The following NMUR2 variants were observed in gnomAD, a reference collection of about 807,000 sequenced individuals.
The protein encoded by NMUR2 is neuromedin-U receptor 2.
Under a neutral mutation model 25.1 loss-of-function variants are expected in NMUR2, and 24 were observed. That is an observed-to-expected ratio of 0.96 (90% CI 0.69 to 1.34). The LOEUF (loss-of-function observed/expected upper bound fraction) is 1.34. NMUR2 is among the 40% of genes most tolerant of loss of function. The pLI is 0.00. For synonymous variants in NMUR2, 218 were observed against 208.1 expected (o/e 1.05, Z -0.41); for missense variants, 533 against 512.8 (o/e 1.04, Z -0.38).
At chr5:152,398,383 T>C (rs1218451630) in intron 1 of NMUR2, among the ~76,000 whole-genome samples, 2 of 152,122 alleles carry the variant, frequency 1.3e-5, no homozygotes, top group Non-Finnish European at 2.9e-5. Context: ...TCGTATACAG[T>C]TATGTGGAAA....
intron 2 of NMUR2, among the ~76,000 whole-genome samples, chr5:152,396,695 T>G (rs1753156529): frequency 1.3e-5 from 2 of 151,376 alleles, no homozygotes; most frequent in South Asian, 4.2e-4. Context: ...AGGTCAGGAG[T>G]TCAAGAACAG....
At chr5:152,400,475 G>A (rs1054824440) in intron 1 of NMUR2, among the ~76,000 whole-genome samples, 8 of 152,134 alleles carry the variant, frequency 5.3e-5, no homozygotes, top group African/African-American at 1.9e-4. Context: ...AGAGTTGTTT[G>A]TTTATATATG....
chr5:152,397,612 G>A, intron 2 of NMUR2, among the ~76,000 whole-genome samples: 1 of 144,430 alleles, frequency 6.9e-6, no homozygotes, highest in East Asian at 2.0e-4. Context: ...TTTTTTTTTG[G>A]AATGGAGAGT....
rs773809109 is a variant in NMUR2, at chr5:152,395,513, C to A, written c.883G>T (p.Glu295Ter). The change falls in exon 3 of 4, where the codon GAG becomes TAG. Residue 295 changes from glutamate to a stop codon, truncating the protein, a stop_gained. Coordinates refer to ENST00000255262, the MANE Select transcript of NMUR2 (RefSeq NM_020167.5). LOFTEE classifies it high-confidence loss of function. ...GCAGCCAGGGATTCACTCCACTCCT[C>A]CACAAAGCTGAAGAAGAGTCGGTCA... is the stretch of plus-strand genomic sequence containing the variant. ...HIDRLFFSFV[E>*]EWSESLAAVF... The A allele has an allele frequency of 2.5e-6, 4 of 1,613,492 alleles. No individual in the cohort carries two copies. The highest frequency in any genetic ancestry group is 2.5e-6 in the Non-Finnish European group (3 of 1,179,782).
chr5:152,399,920 A>T (rs1159651263), intron 1 of NMUR2, among the ~76,000 whole-genome samples: 3 of 152,186 alleles, frequency 2.0e-5, no homozygotes, highest in Non-Finnish European at 1.5e-5. Flanking sequence ...CAAGATAAGG[A>T]AGAAATTGTT....
rs139160964 is a variant in NMUR2, at chr5:152,395,557, C to T, written c.839G>A (p.Cys280Tyr). 2.5e-6 allele frequency: 4 copies of T among 1,613,472 alleles called. No homozygotes were observed. The highest frequency in any genetic ancestry group is 1.1e-5 in the South Asian group (1 of 91,050). ...TCGGTCAATGTGGAACGGGGCCCAA[C>T]AGATAGCAAACACTAAGACCAAGAC... ...LFVLVLVFAI[C>Y]WAPFHIDRLF... is the part of the protein sequence containing the mutation. Residue 280 changes from cysteine to tyrosine, a missense_variant, in exon 3 of 4, where the codon TGT (cysteine) becomes TAT (tyrosine). Transcript: ENST00000255262.
chr5:152,391,651 C>G lies in NMUR2; in HGVS notation c.*540G>C, dbSNP rs1470666278. On this transcript the variant is annotated 3_prime_UTR_variant, in exon 4 of 4. Coordinates refer to ENST00000255262, the MANE Select transcript of NMUR2 (RefSeq NM_020167.5). The stretch of plus-strand genomic sequence containing the variant: ...AGATGCCAGCAGATTTGCTCAACAG[C>G]ATTGCCACAAACTTTCAATTTTTTT... 6.5e-6 allele frequency: 1 copy of G among 153,230 alleles called. No homozygotes were observed. Among genetic ancestry groups the G allele is most frequent in the Admixed American group, 6.5e-5 (1 of 15,472 alleles). The allele number at this position is 153,230 out of a possible 1,614,324, so 9.5% of individuals were successfully genotyped here.
At position 152,405,170 on chromosome 5, in the gene NMUR2, G is replaced by GAAAA; in HGVS notation, c.-61_-58dup. On this transcript the variant is annotated 5_prime_UTR_variant, in exon 1 of 4. Coordinates refer to ENST00000255262, the MANE Select transcript of NMUR2 (RefSeq NM_020167.5). ...GAGGCTCTGTTTCAAGCTGAGCCAG[G>GAAAA]AAAAAAAAAAAAAAAAGAAAAAAGG... The GAAAA allele has an allele frequency of 1.8e-5, 21 of 1,155,610 alleles. No homozygotes were observed. Among genetic ancestry groups the GAAAA allele is most frequent in the South Asian group, 6.3e-5 (3 of 47,928 alleles). The allele number at this position is 1,155,610 out of a possible 1,614,324, so 71.6% of individuals were successfully genotyped here. A position where few individuals can be genotyped will look rare whatever the true frequency, so the allele number is the denominator to read the frequency against.
chr5:152,395,367 T>C (rs902032028), intron 3 of NMUR2, 92 bp downstream of exon 3: 15 of 1,403,304 alleles, frequency 1.1e-5, no homozygotes, highest in Non-Finnish European at 1.5e-5. Flanking sequence ...ATCCCCGTGA[T>C]AAATTGGAGT....
Position 152,404,699 on chromosome 5 carries a change from T to C in NMUR2, c.415A>G (p.Thr139Ala). ...GCCACGTAGCGCTCCACGCTGACGG[T>C]GGTGATGCTGAGGATGGAGGCGAAG... is the stretch of plus-strand genomic sequence containing the variant. ...VCFASILSIT[T>A]VSVERYVAIL... The change falls in exon 1 of 4, where the codon ACC becomes GCC. Residue 139 changes from threonine (T) to alanine (A), a missense_variant. Physicochemically the swap from Thr to Ala is moderately conservative, Grantham distance 58 (BLOSUM62 0). Coordinates refer to ENST00000255262, the MANE Select transcript of NMUR2 (RefSeq NM_020167.5). 1 of 1,613,934 alleles carries C rather than the reference T, an allele frequency of 6.2e-7. No individual in the cohort carries two copies. The highest frequency in any genetic ancestry group is 8.5e-7 in the Non-Finnish European group (1 of 1,179,988).
Position 152,404,675 on chromosome 5 carries a change from C to T in NMUR2, c.439G>A (p.Ala147Thr), listed in dbSNP as rs138543039. Residue 147 changes from alanine (A) to threonine (T), a missense_variant, in exon 1 of 4, where the codon GCC becomes ACC. By Grantham distance (58) the Ala-to-Thr change is moderately conservative. Coordinates refer to ENST00000255262, the MANE Select transcript of NMUR2 (RefSeq NM_020167.5). ...ITTVSVERYV[A>T]ILHPFRAKLQ... ...TTGGCGCGGAACGGGTGTAGGATGG[C>T]CACGTAGCGCTCCACGCTGACGGTG... The T allele has an allele frequency of 7.4e-6, 12 of 1,614,048 alleles. No individual in the cohort carries two copies. Among genetic ancestry groups the T allele is most frequent in the Non-Finnish European group, 1.0e-5 (12 of 1,180,018 alleles).
intron 2 of NMUR2, among the ~76,000 whole-genome samples, chr5:152,397,010 A>ATTTTTTTTTTTTTTTTT (rs1308899005): frequency 1.9e-5 from 2 of 103,172 alleles, no homozygotes; most frequent in African/African-American, 2.9e-5. Context: ...AGTGAGCTTC[A>ATTTTTTTTTTTTTTTTT]TGTTTTTTTT....
intron 2 of NMUR2, among the ~76,000 whole-genome samples, chr5:152,396,404 A>T (rs569691345): frequency 5.9e-5 from 9 of 152,270 alleles, no homozygotes; most frequent in African/African-American, 2.2e-4. Context: ...TTCATTTTAC[A>T]GTTTTCTGTA....
chr5:152,396,953 C>G (rs1405889096), intron 2 of NMUR2, among the ~76,000 whole-genome samples: 2 of 150,660 alleles, frequency 1.3e-5, no homozygotes, highest in East Asian at 3.9e-4. Context: ...AACCCCATCC[C>G]AACGCAAATA....
intron 1 of NMUR2, among the ~76,000 whole-genome samples, chr5:152,398,887 A>G (rs10515664): frequency 0.14 from 22,018 of 152,202 alleles, 2,077 homozygotes; most frequent in Admixed American, 0.24. Context: ...AGATGTTTAA[A>G]GTATATTCAT....
At chr5:152,399,132 G>T (rs1393966096) in intron 1 of NMUR2, among the ~76,000 whole-genome samples, 1 of 152,070 alleles carries the variant, frequency 6.6e-6, no homozygotes, top group African/African-American at 2.4e-5. Context: ...TTTTTAATTT[G>T]TGGGGATGTT....
At position 152,404,389 on chromosome 5, in the gene NMUR2, C is replaced by G; in HGVS notation, c.725G>C (p.Arg242Thr). 6.2e-7 allele frequency: 1 copy of G among 1,608,200 alleles called. No individual in the cohort carries two copies. Among genetic ancestry groups the G allele is most frequent in the African/African-American group, 1.3e-5 (1 of 74,934 alleles). ...ISVLYYLMAL[R>T]LKKDKSLEAD... The stretch of plus-strand genomic sequence containing the variant: ...GGCCACCCCAGCCTAGATACTCACT[C>G]TGAGTGCCATGAGGTAGTAGAGGAC... Residue 242 changes from arginine (R) to threonine (T), a missense_variant and splice_region_variant, in exon 1 of 4, where the codon AGA becomes ACA. Physicochemically the swap from Arg to Thr is moderately conservative, Grantham distance 71. Transcript: ENST00000255262.
intron 1 of NMUR2, among the ~76,000 whole-genome samples, chr5:152,403,491 GA>G (rs1561699164): frequency 6.6e-6 from 1 of 151,856 alleles, no homozygotes; most frequent in African/African-American, 2.4e-5. Context: ...CCCCCCTTCT[GA>G]AAAAGAAATC....
At chr5:152,393,753 A>G (rs1386130621) in intron 3 of NMUR2, among the ~76,000 whole-genome samples, 2 of 152,186 alleles carry the variant, frequency 1.3e-5, no homozygotes, top group Non-Finnish European at 2.9e-5. Context: ...GATAATCATA[A>G]AAGATTTAGT....
Sources: allele counts gnomAD v4.1 joint callset (sites outside exome capture counted in the v4.1 genomes callset), GRCh38; gene constraint gnomAD v4.1.1; transcripts MANE v1.5; gene names NCBI Gene and HGNC (gene_info 2026-07-23, HGNC 2026-07-21).